Variants in MEGF10 observed in about 807,000 individuals in gnomAD.
The protein encoded by MEGF10 is multiple epidermal growth factor-like domains protein 10.
MEGF10 carries 86 observed loss-of-function variants against 147.5 expected under a neutral mutation model. That is an observed-to-expected ratio of 0.58 (90% confidence interval 0.49 to 0.70). The LOEUF is 0.70. Ranked by LOEUF, MEGF10 falls within the 30% of genes least tolerant of loss-of-function variation. The probability of loss-of-function intolerance (pLI) is 0.00; values close to 1 mark genes in which losing one functional copy is unlikely to be tolerated. For missense variants in MEGF10, 1,329 were observed against 1,487.3 expected (o/e 0.89, Z 1.75); for synonymous variants, 478 against 525.5 (o/e 0.91, Z 1.24).
chr5:127,438,284 G>A (rs1012872019), intron 16 of MEGF10, among the ~76,000 whole-genome samples, 155 bp from the exon 17 acceptor site: 11 of 152,174 alleles, frequency 7.2e-5, no homozygotes, highest in African/African-American at 2.7e-4. Context: ...GGCCATCTGG[G>A]ATTTAGTGCA....
chr5:127,243,678 G>C, the MEGF10 span, among the ~76,000 whole-genome samples: 1,188 of 152,254 alleles, frequency 7.8e-3, 13 homozygotes, highest in African/African-American at 0.027. Context: ...GGTCATTTGT[G>C]TATCATCATC....
In MEGF10 at chr5:127,443,336, T is replaced by A. The variant is rs193147523; in HGVS notation, c.2491+210T>A. On this transcript the variant is annotated intron_variant, in intron 19 of 24. Coordinates refer to ENST00000503335, the MANE Select transcript of MEGF10 (RefSeq NM_001256545.2). The stretch of plus-strand genomic sequence containing the variant: ...CAAAAGCTTAGAGAGGCTGAGTAAT[T>A]TTCCCAAAGTCACATAGCTAATACT... Among the ~76,000 whole-genome samples the A allele has an allele frequency of 3.9e-3, 594 of 152,326 alleles. 6 individuals are homozygous for A. Among genetic ancestry groups the A allele is most frequent in the African/African-American group, 0.014 (565 of 41,570 alleles).
intron 4 of MEGF10, among the ~76,000 whole-genome samples, chr5:127,367,888 T>A (rs1042104224): frequency 1.3e-4 from 19 of 151,742 alleles, no homozygotes; most frequent in African/African-American, 4.6e-4. Flanking sequence ...GGTGGGAGAG[T>A]CTCCTGTACC....
chr5:127,444,652 C>G (rs10519941), intron 19 of MEGF10: 2 of 151,982 alleles, frequency 1.3e-5, no homozygotes, highest in South Asian at 2.1e-4. Flanking sequence ...TATCACTTGA[C>G]GGACCATAAG....
At chr5:127,291,896 C>A (rs78942244) in intron 1 of MEGF10, among the ~76,000 whole-genome samples, 2,571 of 152,208 alleles carry the variant, frequency 0.017, 59 homozygotes, top group East Asian at 0.09. Flanking sequence ...AGGAGAAAGT[C>A]AAAGTTGGAG....
At chr5:127,341,009 G>A (rs1396037289) in intron 4 of MEGF10, among the ~76,000 whole-genome samples, 3 of 152,150 alleles carry the variant, frequency 2.0e-5, no homozygotes, top group African/African-American at 4.8e-5. Flanking sequence ...GTCAACTTCC[G>A]AGAGGCCAGC....
intron 18 of MEGF10, among the ~76,000 whole-genome samples, chr5:127,442,244 A>G (rs1241876039): frequency 6.6e-6 from 1 of 152,234 alleles, no homozygotes; most frequent in East Asian, 1.9e-4. Context: ...ATTTGTAAAC[A>G]GAAACCCTGT....
chr5:127,387,740 A>G (rs1258845678), intron 5 of MEGF10, among the ~76,000 whole-genome samples: 1 of 152,238 alleles, frequency 6.6e-6, no homozygotes, highest in Non-Finnish European at 1.5e-5. Context: ...GAATAATTAT[A>G]TCTAACTCAT....
At chr5:127,332,142 T>C (rs1184801384) in intron 2 of MEGF10, among the ~76,000 whole-genome samples, 3 of 152,130 alleles carry the variant, frequency 2.0e-5, no homozygotes, top group African/African-American at 7.2e-5. Flanking sequence ...AAACAGTAGA[T>C]CATCCTCTGG....
chr5:127,309,965 C>CTTTCTTTCTTTCTTTCTTTCTTTCT (rs1554089015), intron 1 of MEGF10, among the ~76,000 whole-genome samples: 30 of 64,250 alleles, frequency 4.7e-4, no homozygotes, highest in Non-Finnish European at 6.9e-4. Context: ...TTCTTTCTTT[C>CTTTCTTTCTTTCTTTCTTTCTTTCT]TTTCTTTCTT....
intron 4 of MEGF10, among the ~76,000 whole-genome samples, chr5:127,345,613 A>G (rs2126810139): frequency 6.6e-6 from 1 of 152,278 alleles, no homozygotes. Flanking sequence ...ATTAGACTCT[A>G]AATTTGTTCA....
chr5:127,393,348 A>G (rs1763775292), intron 5 of MEGF10, among the ~76,000 whole-genome samples: 4 of 152,258 alleles, frequency 2.6e-5, no homozygotes, highest in Admixed American at 2.6e-4. Context: ...AGACAAAGTC[A>G]GTGTACCCTT....
chr5:127,240,367 C>T, the MEGF10 span, among the ~76,000 whole-genome samples: 8 of 152,174 alleles, frequency 5.3e-5, no homozygotes, highest in Non-Finnish European at 7.3e-5. Context: ...TTGGCTGATG[C>T]CTTCCTCTAG....
At chr5:127,267,500 C>T in the MEGF10 span, among the ~76,000 whole-genome samples, 1 of 152,164 alleles carries the variant, frequency 6.6e-6, no homozygotes, top group African/African-American at 2.4e-5. Context: ...AGGAATGGTA[C>T]CAGCTCCTCC....
chr5:127,361,760 A>G (rs2126842143), intron 4 of MEGF10, among the ~76,000 whole-genome samples: 1 of 152,212 alleles, frequency 6.6e-6, no homozygotes, highest in African/African-American at 2.4e-5. Flanking sequence ...TGATTAATAT[A>G]TCTTTTGATT....
At position 127,433,379 on chromosome 5, in the gene MEGF10, C is replaced by A. The variant is rs766687716; in HGVS notation, c.1710C>A (p.Ser570Arg). The A allele has an allele frequency of 9.3e-6, 15 of 1,614,080 alleles. No homozygotes were observed. The highest frequency in any genetic ancestry group is 5.0e-5 in the Admixed American group (3 of 60,008). The change falls in exon 14 of 25, where the codon AGC becomes AGA. Residue 570 changes from serine (S) to arginine (R), a missense_variant. By Grantham distance (110) the Ser-to-Arg change is moderately radical (BLOSUM62 -1). Coordinates refer to ENST00000503335, the MANE Select transcript of MEGF10 (RefSeq NM_001256545.2). ...TTATTTCAGGTGTCCACTGTGACAG[C>A]GTGTGTGCTGAGGGACGCTGGGGCC... ...LPGWSGVHCD[S>R]VCAEGRWGPN...
chr5:127,445,805 T>G, intron 20 of MEGF10, 112 bp downstream of exon 20: 1 of 778,580 alleles, frequency 1.3e-6, no homozygotes, highest in Non-Finnish European at 2.2e-6. Context: ...CAATTCTCAT[T>G]GAGAGAATTC....
chr5:127,274,297 T>C, the MEGF10 span, among the ~76,000 whole-genome samples: 235 of 151,896 alleles, frequency 1.5e-3, no homozygotes, highest in African/African-American at 5.5e-3. Context: ...ACGGAAATAA[T>C]TTTGTGAAAA....
At chr5:127,384,078 C>T (rs555487167) in intron 5 of MEGF10, among the ~76,000 whole-genome samples, 1 of 152,348 alleles carries the variant, frequency 6.6e-6, no homozygotes, top group South Asian at 2.1e-4. Flanking sequence ...TTCTCTCCCC[C>T]TCCTTTCTCT....
Sources: allele counts gnomAD v4.1 joint callset (sites outside exome capture counted in the v4.1 genomes callset), GRCh38; gene constraint gnomAD v4.1.1; transcripts MANE v1.5; gene names NCBI Gene and HGNC (gene_info 2026-07-23, HGNC 2026-07-21).